The following SATL1 variants were observed in gnomAD, a reference collection of about 807,000 sequenced individuals.
The protein encoded by SATL1 is spermidine/spermine N1-acetyl transferase like 1.
In SATL1, 47 loss-of-function variants were observed where a neutral mutation model predicts 51.8. That is an observed-to-expected ratio of 0.91 (90% CI 0.72 to 1.16). The LOEUF is 1.16. Among genes scored for constraint, SATL1 ranks in the 50% most tolerant of loss-of-function variants. SATL1 has a pLI of 0.00. For missense variants in SATL1, 520 were observed against 526.4 expected (o/e 0.99, Z 0.12); for synonymous variants, 176 against 182.4 (o/e 0.97, Z 0.28).
At chrX:85,205,464 A>G (rs1340250466) in intron 2 of SATL1, among the ~76,000 whole-genome samples, 1 of 112,243 alleles carries the variant, frequency 8.9e-6, no homozygotes, top group Non-Finnish European at 1.9e-5. Context: ...ATGATGTAAT[A>G]GTGACTTGGG....
chrX:85,163,808 C>T (rs768427588), intron 2 of SATL1, among the ~76,000 whole-genome samples: 1 of 111,695 alleles, frequency 9.0e-6, no homozygotes, highest in Non-Finnish European at 1.9e-5. Flanking sequence ...TCCATTGTTT[C>T]TTTGTTGACT....
At chrX:85,109,626 A>G (rs912960333) in intron 2 of SATL1, among the ~76,000 whole-genome samples, 2 of 110,779 alleles carry the variant, frequency 1.8e-5, no homozygotes, top group African/African-American at 6.6e-5. Flanking sequence ...TTCAATTCCT[A>G]TTTCCGTCCT....
chrX:85,149,305 A>G (rs1396531548), intron 2 of SATL1, among the ~76,000 whole-genome samples: 4 of 111,472 alleles, frequency 3.6e-5, no homozygotes, highest in Non-Finnish European at 7.5e-5. Flanking sequence ...GAGCACCCAG[A>G]TTCATAAAGC....
intron 1 of SATL1, among the ~76,000 whole-genome samples, chrX:85,233,185 C>T (rs756367083): frequency 3.6e-5 from 4 of 111,569 alleles, no homozygotes; most frequent in Non-Finnish European, 7.5e-5. Flanking sequence ...AGATCTTAAC[C>T]AAGACAACCA....
chrX:85,123,994 G>A (rs1925564464), intron 2 of SATL1, among the ~76,000 whole-genome samples: 1 of 111,220 alleles, frequency 9.0e-6, no homozygotes, highest in Non-Finnish European at 1.9e-5. Context: ...TAAGTTGGAA[G>A]TATATATTAC....
chrX:85,129,269 C>T (rs1191497917), intron 2 of SATL1, among the ~76,000 whole-genome samples: 1 of 112,065 alleles, frequency 8.9e-6, no homozygotes, highest in Non-Finnish European at 1.9e-5. Context: ...TTGACTGTTC[C>T]TATCCATGAG....
chrX:85,201,426 C>T (rs1055903452), intron 2 of SATL1, among the ~76,000 whole-genome samples: 1 of 110,881 alleles, frequency 9.0e-6, no homozygotes, highest in Non-Finnish European at 1.9e-5. Flanking sequence ...GTTATGCTTT[C>T]AATGAGTTAT....
chrX:85,139,531 C>T (rs747814212), intron 2 of SATL1, among the ~76,000 whole-genome samples: 7 of 110,799 alleles, frequency 6.3e-5, no homozygotes, highest in Non-Finnish European at 1.3e-4. Flanking sequence ...ATACTTAACC[C>T]TACCATAAAT....
At chrX:85,131,745 A>T (rs762284799) in intron 2 of SATL1, among the ~76,000 whole-genome samples, 21 of 111,688 alleles carry the variant, frequency 1.9e-4, no homozygotes, top group African/African-American at 5.8e-4. Context: ...TCCTAGCATC[A>T]ATGGTCTTTA....
At chrX:85,219,577 T>G (rs761294120) in intron 2 of SATL1, 1 of 112,390 alleles carries the variant, frequency 8.9e-6, no homozygotes, top group Admixed American at 9.5e-5. Flanking sequence ...TTGAGTACTT[T>G]ATTAGTTACT....
chrX:85,137,348 G>C (rs1373578936), intron 2 of SATL1, among the ~76,000 whole-genome samples: 1 of 111,277 alleles, frequency 9.0e-6, no homozygotes, highest in African/African-American at 3.3e-5. Flanking sequence ...AAGATAAAGT[G>C]ATGCTAGGGG....
chrX:85,140,647 T>G (rs1464956936), intron 2 of SATL1, among the ~76,000 whole-genome samples: 1 of 112,229 alleles, frequency 8.9e-6, no homozygotes, highest in Non-Finnish European at 1.9e-5. Context: ...GAATTCCCCC[T>G]TATACAATCA....
intron 4 of SATL1, among the ~76,000 whole-genome samples, chrX:85,096,791 T>A (rs940199182): frequency 6.6e-5 from 7 of 106,770 alleles, no homozygotes; most frequent in South Asian, 4.2e-4. Context: ...GAATTTTATA[T>A]CCACCAAAAC....
chrX:85,114,266 A>G (rs759618157), intron 2 of SATL1, among the ~76,000 whole-genome samples: 8 of 111,861 alleles, frequency 7.2e-5, no homozygotes, highest in Non-Finnish European at 1.3e-4. Context: ...AAAGCTCTAA[A>G]TAGCTCAAAA....
chrX:85,118,148 G>A (rs755643206), intron 2 of SATL1, among the ~76,000 whole-genome samples: 1 of 100,252 alleles, frequency 1.0e-5, no homozygotes, highest in East Asian at 3.2e-4. Flanking sequence ...GGGGTTAAAT[G>A]TAAGGTCAGA....
chrX:85,226,097 C>T (rs1370460094), intron 1 of SATL1, among the ~76,000 whole-genome samples: 2 of 111,375 alleles, frequency 1.8e-5, no homozygotes, highest in Admixed American at 9.6e-5. Context: ...CTTTATTCCC[C>T]ATGCAACTCT....
At chrX:85,098,632 T>A (rs994477814) in intron 4 of SATL1, among the ~76,000 whole-genome samples, 4 of 111,742 alleles carry the variant, frequency 3.6e-5, no homozygotes, top group Admixed American at 9.5e-5. Context: ...AATACAATGA[T>A]ACTAGAAATC....
intron 2 of SATL1, among the ~76,000 whole-genome samples, chrX:85,155,411 C>T (rs1184657426): frequency 1.8e-5 from 2 of 111,027 alleles, no homozygotes; most frequent in Non-Finnish European, 3.8e-5. Flanking sequence ...CTATTTCCTC[C>T]TTTAGAAGTA....
intron 2 of SATL1, among the ~76,000 whole-genome samples, chrX:85,139,715 G>A (rs1602861651): frequency 9.0e-6 from 1 of 111,301 alleles, no homozygotes; most frequent in African/African-American, 3.3e-5. Context: ...TTTTCTTATG[G>A]CTCATTATTT....
Sources: gnomAD v4.1 joint callset for allele counts (sites outside exome capture counted in the v4.1 genomes callset) on GRCh38, gnomAD v4.1.1 for gene constraint, MANE v1.5 for transcripts, NCBI Gene and HGNC (gene_info 2026-07-23, HGNC 2026-07-21) for gene names.